ADNP: variants seen among roughly 807,000 people sequenced by gnomAD.
ADNP encodes activity-dependent neuroprotector homeobox protein.
In ADNP, 4 loss-of-function variants were observed where a neutral mutation model predicts 84.9. The observed-to-expected ratio is 0.05, with a 90% CI of 0.02 to 0.11. The LOEUF (loss-of-function observed/expected upper bound fraction) is 0.11, where lower values mean the gene tolerates loss of function less well. ADNP is among the 10% of genes least tolerant of loss of function. ADNP has a pLI of 1.00. For missense variants in ADNP, 1,132 were observed against 1,326.0 expected (o/e 0.85, Z 2.27); for synonymous variants, 554 against 468.1 (o/e 1.18, Z -2.37).
chr20:50,915,000 C>T (rs1226687584), intron 2 of ADNP, among the ~76,000 whole-genome samples: 1 of 151,612 alleles, frequency 6.6e-6, no homozygotes, highest in Non-Finnish European at 1.5e-5. Flanking sequence ...GAGCTATTTG[C>T]CAAGATAAAA....
intron 2 of ADNP, among the ~76,000 whole-genome samples, chr20:50,916,014 C>T (rs1163606411): frequency 2.0e-5 from 3 of 152,060 alleles, no homozygotes; most frequent in Non-Finnish European, 4.4e-5. Flanking sequence ...ACTATTCTCC[C>T]AGTTTGATAA....
intron 2 of ADNP, among the ~76,000 whole-genome samples, chr20:50,927,958 T>C (rs1984396940): frequency 6.6e-6 from 1 of 152,212 alleles, no homozygotes; most frequent in African/African-American, 2.4e-5. Context: ...CAAATAAAGA[T>C]AAAAACTATA....
intron 2 of ADNP, among the ~76,000 whole-genome samples, chr20:50,919,287 A>ACATATATATTTACATAT (rs776823194): frequency 1.6e-5 from 2 of 128,064 alleles, no homozygotes; most frequent in African/African-American, 7.5e-5. Context: ...ACATATATTT[A>ACATATATATTTACATAT]AGTGTATATA....
In ADNP at chr20:50,889,873, G is replaced by C; in HGVS notation, c.*1532C>G. On this transcript the variant is annotated 3_prime_UTR_variant, in exon 6 of 6. Transcript: ENST00000621696. Reference sequence around the variant, plus strand: ...TTCAAAGCCTTTCCCTTAATAGCAAGAGGGCCAAGAGTGGCAAATAGAGGC... The same window carrying C: ...TTCAAAGCCTTTCCCTTAATAGCAACAGGGCCAAGAGTGGCAAATAGAGGC... 2.5e-6 allele frequency: 1 copy of C among 398,418 alleles called. No individual in the cohort carries two copies. The highest frequency in any genetic ancestry group is 4.4e-6 in the Non-Finnish European group (1 of 226,042). The allele number at this position is 398,418 out of a possible 1,614,324, so 24.7% of individuals were successfully genotyped here. A position where few individuals can be genotyped will look rare whatever the true frequency, so the allele number is the denominator to read the frequency against.
At chr20:50,900,704 T>C (rs1981885655) in intron 5 of ADNP, among the ~76,000 whole-genome samples, 1 of 152,214 alleles carries the variant, frequency 6.6e-6, no homozygotes, top group Admixed American at 6.5e-5. Flanking sequence ...ATTAGACAAT[T>C]ACAAGAGATA....
chr20:50,920,127 A>G (rs939813492), intron 2 of ADNP, among the ~76,000 whole-genome samples: 3 of 149,994 alleles, frequency 2.0e-5, no homozygotes, highest in African/African-American at 7.4e-5. Flanking sequence ...AAATACAAAA[A>G]TTAGCCGGGC....
intron 2 of ADNP, among the ~76,000 whole-genome samples, chr20:50,905,978 C>T (rs1289563675): frequency 2.6e-5 from 4 of 152,030 alleles, no homozygotes; most frequent in African/African-American, 7.3e-5. Flanking sequence ...TTTAGGAGGC[C>T]GAGGAGGGCA....
At position 50,889,193 on chromosome 20, in the gene ADNP, C is replaced by CT. The variant is rs1980388199; in HGVS notation, c.*2211dup. On this transcript the variant is annotated 3_prime_UTR_variant, in exon 6 of 6. Transcript: ENST00000621696. ...CTCACCACCTTAATGAGGAAACACA[C>CT]TTATCTGTGTCTGTTCCGATATCCA... The CT allele has an allele frequency of 6.6e-6, 1 of 152,204 alleles. No individual in the cohort carries two copies. The highest frequency in any genetic ancestry group is 2.1e-4 in the South Asian group (1 of 4,828). 9.4% of individuals were successfully genotyped at this position (152,204 alleles called of 1,614,324 possible).
At chr20:50,927,053 C>A (rs1462556000) in intron 2 of ADNP, among the ~76,000 whole-genome samples, 1 of 152,084 alleles carries the variant, frequency 6.6e-6, no homozygotes, top group Non-Finnish European at 1.5e-5. Flanking sequence ...TTTTAATAAT[C>A]AAATATAAAT....
rs1208326177 is a variant in ADNP, at chr20:50,889,868, A to G, written c.*1537T>C. The G allele has an allele frequency of 1.3e-5, 5 of 398,446 alleles. No homozygotes were observed. In the East Asian group the frequency reaches 1.8e-4, roughly 14 times the overall value. The allele number at this position is 398,446 out of a possible 1,614,324, so 24.7% of individuals were successfully genotyped here. A position where few individuals can be genotyped will look rare whatever the true frequency, so the allele number is the denominator to read the frequency against. ...TGCTCTTCAAAGCCTTTCCCTTAATAGCAAGAGGGCCAAGAGTGGCAAATA... is the reference window on the plus strand; with the variant it reads ...TGCTCTTCAAAGCCTTTCCCTTAATGGCAAGAGGGCCAAGAGTGGCAAATA... On this transcript the variant is annotated 3_prime_UTR_variant, in exon 6 of 6. Coordinates refer to ENST00000621696, the MANE Select transcript of ADNP (RefSeq NM_001282531.3).
At position 50,931,371 on chromosome 20, in the gene ADNP, G is replaced by A. The variant is rs1475467285; in HGVS notation, c.-810C>T. On this transcript the variant is annotated 5_prime_UTR_variant, in exon 1 of 6. Coordinates refer to ENST00000621696, the MANE Select transcript of ADNP (RefSeq NM_001282531.3). ...GGGGCTGATCCCGCGTCTCCCCTCA[G>A]CAGACAATACAAGCGCCTCGGACCG... 1 of 152,386 alleles carries A rather than the reference G, an allele frequency of 6.6e-6. No individual in the cohort carries two copies. Among genetic ancestry groups the A allele is most frequent in the East Asian group, 2.0e-4 (1 of 5,100 alleles). 9.4% of individuals were successfully genotyped at this position (152,386 alleles called of 1,614,324 possible).
In ADNP at chr20:50,918,718, T is replaced by C. The variant is rs528999854; in HGVS notation, c.-90+9933A>G. Among the ~76,000 whole-genome samples the C allele has an allele frequency of 4.6e-5, 7 of 152,328 alleles. No individual in the cohort carries two copies. The East Asian group carries it at 1.3e-3, about 29-fold the overall frequency. On this transcript the variant is annotated intron_variant, in intron 2 of 5. Transcript: ENST00000621696. ...AGAAAAGATCTTCAGAGAATTCCCA[T>C]GTGTTAAAATTTCAAATTACCTTCA...
In ADNP at chr20:50,891,639, C is replaced by T. The variant is rs1161885978; in HGVS notation, c.3075G>A (p.Gln1025=). 3 of 1,614,108 alleles carry T rather than the reference C, an allele frequency of 1.9e-6. No individual in the cohort carries two copies. The highest frequency in any genetic ancestry group is 1.3e-5 in the African/African-American group (1 of 74,938). ...KKATMQGDRE[Q]LKWKNSSYGK... ...CATAGGAACTATTCTTCCATTTCAA[C>T]TGCTCTCTGTCACCTTGCATGGTAG... Residue 1025 remains glutamine (Q), a synonymous_variant, in exon 6 of 6, where the codon CAG becomes CAA. Coordinates refer to ENST00000621696, the MANE Select transcript of ADNP (RefSeq NM_001282531.3).
intron 2 of ADNP, among the ~76,000 whole-genome samples, chr20:50,908,900 C>T (rs909628687): frequency 6.6e-6 from 1 of 152,018 alleles, no homozygotes; most frequent in South Asian, 2.1e-4. Flanking sequence ...AAATTCAAGG[C>T]CCTTTCCTCA....
chr20:50,902,262 TATA>T (rs1450011993), intron 4 of ADNP, among the ~76,000 whole-genome samples, 153 bp from the exon 5 acceptor site: 2 of 152,306 alleles, frequency 1.3e-5, no homozygotes, highest in Non-Finnish European at 2.9e-5. Context: ...GGCTCTTAAA[TATA>T]AAAAGGCATA....
At chr20:50,930,599 G>A (rs1298311729) in intron 1 of ADNP, among the ~76,000 whole-genome samples, 3 of 152,146 alleles carry the variant, frequency 2.0e-5, no homozygotes, top group South Asian at 2.1e-4. Context: ...GGCTGCAGGA[G>A]GAGGCGCCTG....
intron 2 of ADNP, among the ~76,000 whole-genome samples, chr20:50,907,971 G>A (rs967990045): frequency 1.3e-5 from 2 of 152,046 alleles, no homozygotes; most frequent in Non-Finnish European, 2.9e-5. Flanking sequence ...CTTCATATGC[G>A]TATTTCTGAC....
intron 1 of ADNP, 77 bp downstream of exon 1, chr20:50,930,749 T>C (rs553955963): frequency 6.6e-6 from 1 of 151,074 alleles, no homozygotes; most frequent in Admixed American, 6.6e-5. Flanking sequence ...CAGGCTGCAC[T>C]GGCGGCCGCG....
At chr20:50,927,489 C>CT (rs1418134778) in intron 2 of ADNP, among the ~76,000 whole-genome samples, 1 of 151,992 alleles carries the variant, frequency 6.6e-6, no homozygotes, top group Non-Finnish European at 1.5e-5. Context: ...TTAATTGAAC[C>CT]TTTTACTATA....
Sources: allele counts gnomAD v4.1 joint callset (sites outside exome capture counted in the v4.1 genomes callset), GRCh38; gene constraint gnomAD v4.1.1; transcripts MANE v1.5; gene names NCBI Gene and HGNC (gene_info 2026-07-23, HGNC 2026-07-21).